Variants in NRXN1 observed in about 807,000 individuals in gnomAD.
The protein encoded by NRXN1 is neurexin-1.
Under a neutral mutation model 150.9 loss-of-function variants are expected in NRXN1, and 39 were observed. The observed-to-expected ratio is 0.26, with a 90% CI of 0.20 to 0.34. The LOEUF (loss-of-function observed/expected upper bound fraction) is 0.34. Ranked by LOEUF, NRXN1 falls within the 10% of genes least tolerant of loss-of-function variation. NRXN1 has a pLI of 1.00. For missense variants in NRXN1, 1,815 were observed against 1,949.9 expected, an observed-to-expected ratio of 0.93 and a Z score of 1.30; for synonymous variants, 924 against 757.0, an observed-to-expected ratio of 1.22 and a Z score of -3.62.
At chr2:51,010,107 T>C (rs1277314393) in intron 2 of NRXN1, among the ~76,000 whole-genome samples, 1 of 151,968 alleles carries the variant, frequency 6.6e-6, no homozygotes, top group Non-Finnish European at 1.5e-5. Flanking sequence ...TGGAAAGTCA[T>C]ATAATGGGTC....
At chr2:50,837,842 G>C (rs1175425173) in intron 5 of NRXN1, among the ~76,000 whole-genome samples, 1 of 152,002 alleles carries the variant, frequency 6.6e-6, no homozygotes, top group Non-Finnish European at 1.5e-5. Flanking sequence ...AGTTTTATTA[G>C]GAAATACAGA....
At chr2:50,164,421 A>G (rs2059551122) in intron 18 of NRXN1, among the ~76,000 whole-genome samples, 1 of 152,198 alleles carries the variant, frequency 6.6e-6, no homozygotes. Context: ...ACCATAAGAA[A>G]TATGGGAGGT....
intron 5 of NRXN1, among the ~76,000 whole-genome samples, chr2:50,771,597 A>G (rs1703015727): frequency 6.6e-6 from 1 of 152,102 alleles, no homozygotes; most frequent in Non-Finnish European, 1.5e-5. Context: ...GAGAATTTGA[A>G]TAGTACATTA....
intron 8 of NRXN1, among the ~76,000 whole-genome samples, chr2:50,559,308 A>G (rs1381185607): frequency 6.6e-6 from 1 of 152,178 alleles, no homozygotes; most frequent in African/African-American, 2.4e-5. Flanking sequence ...TGGGTAAGAA[A>G]GAGCTCAGAA....
At chr2:50,222,466 A>C (rs909852385) in intron 18 of NRXN1, among the ~76,000 whole-genome samples, 36 of 152,024 alleles carry the variant, frequency 2.4e-4, no homozygotes, top group African/African-American at 8.7e-4. Context: ...GGGAGTGTTC[A>C]ACAGTACAAT....
intron 5 of NRXN1, among the ~76,000 whole-genome samples, chr2:50,870,882 G>C (rs1208625922): frequency 6.6e-6 from 1 of 151,756 alleles, no homozygotes; most frequent in Non-Finnish European, 1.5e-5. Context: ...TTGGACTTCT[G>C]CACAACATCC....
rs552333481 is a variant in NRXN1 at position 50,429,171 on chromosome 2, C to G, written c.3364+36271G>C. ...AATGAGAGCATTTCACAGCTCTCAT[C>G]GACTCCTAACCTGAGAGGTTGTTAA... On this transcript the variant is annotated intron_variant, in intron 17 of 22. Coordinates refer to ENST00000401669, the MANE Select transcript of NRXN1 (RefSeq NM_001330078.2). Among the ~76,000 whole-genome samples the G allele has an allele frequency of 2.0e-5, 3 of 152,192 alleles. No homozygotes were observed. The East Asian group carries it at 5.8e-4, about 29-fold the overall frequency.
chr2:50,181,026 G>T (rs1023969566), intron 18 of NRXN1, among the ~76,000 whole-genome samples: 1 of 151,912 alleles, frequency 6.6e-6, no homozygotes, highest in South Asian at 2.1e-4. Context: ...TCTTTAAGGA[G>T]GATTTAGTAT....
chr2:50,627,637 C>CACAT (rs35480986), intron 5 of NRXN1, among the ~76,000 whole-genome samples: 2 of 151,298 alleles, frequency 1.3e-5, no homozygotes, highest in African/African-American at 2.4e-5. Flanking sequence ...CACACACACA[C>CACAT]GAGAGATCCA....
At chr2:50,480,134 C>A (rs2090350106) in intron 15 of NRXN1, among the ~76,000 whole-genome samples, 1 of 152,120 alleles carries the variant, frequency 6.6e-6, no homozygotes, top group Non-Finnish European at 1.5e-5. Flanking sequence ...TTAGGGAATT[C>A]AATGGCATAT....
At chr2:50,100,012 T>C (rs367849944) in intron 18 of NRXN1, among the ~76,000 whole-genome samples, 3 of 152,104 alleles carry the variant, frequency 2.0e-5, no homozygotes, top group Non-Finnish European at 4.4e-5. Flanking sequence ...AATTTAGATA[T>C]TACTAGTTGA....
intron 2 of NRXN1, among the ~76,000 whole-genome samples, chr2:51,011,796 T>C (rs749276976): frequency 2.7e-4 from 41 of 152,000 alleles, no homozygotes; most frequent in Non-Finnish European, 4.4e-4. Context: ...CAGTACTATT[T>C]ATAAAGGATC....
At chr2:50,808,685 T>A (rs1043870886) in intron 5 of NRXN1, among the ~76,000 whole-genome samples, 19 of 152,132 alleles carry the variant, frequency 1.2e-4, no homozygotes, top group South Asian at 2.1e-4. Context: ...TGGCCTCTGA[T>A]AATTTTATTT....
At chr2:50,214,915 G>A (rs2063292107) in intron 18 of NRXN1, among the ~76,000 whole-genome samples, 1 of 151,916 alleles carries the variant, frequency 6.6e-6, no homozygotes, top group Non-Finnish European at 1.5e-5. Flanking sequence ...ATAAACTGAT[G>A]CAGGGTAAAA....
At position 50,922,503 on chromosome 2, in the gene NRXN1, G is replaced by A. The variant is rs1434155370; in HGVS notation, c.820+155C>T. On this transcript the variant is annotated intron_variant, in intron 4 of 22. Coordinates refer to ENST00000401669, the MANE Select transcript of NRXN1 (RefSeq NM_001330078.2). The stretch of plus-strand genomic sequence containing the variant: ...AAATCAAACGAACAAAGAAATGGAA[G>A]AAAAACACATGAAAAAATGTGAACA... 7.5e-6 allele frequency: 6 copies of A among 799,636 alleles called. No individual in the cohort carries two copies. The East Asian group carries it at 1.3e-4, about 18-fold the overall frequency. The allele number at this position is 799,636 out of a possible 1,614,324, so 49.5% of individuals were successfully genotyped here.
chr2:50,525,091 T>C (rs2092910305), intron 12 of NRXN1, among the ~76,000 whole-genome samples: 1 of 152,334 alleles, frequency 6.6e-6, no homozygotes, highest in Non-Finnish European at 1.5e-5. Context: ...AAATTCTTTT[T>C]GCATTCTTTA....
chr2:50,984,884 T>A (rs1697443493), intron 2 of NRXN1, among the ~76,000 whole-genome samples: 4 of 152,056 alleles, frequency 2.6e-5, no homozygotes, highest in Admixed American at 1.3e-4. Context: ...CTAAAAAAAA[T>A]TATCTCTGCA....
intron 16 of NRXN1, among the ~76,000 whole-genome samples, chr2:50,471,572 G>T (rs1039097381): frequency 2.0e-5 from 3 of 151,734 alleles, no homozygotes; most frequent in Non-Finnish European, 4.4e-5. Flanking sequence ...ATATATGTTT[G>T]CAGATGTCTT....
intron 18 of NRXN1, among the ~76,000 whole-genome samples, chr2:50,098,846 T>TGG (rs1558874665): frequency 5.4e-4 from 7 of 12,864 alleles, no homozygotes; most frequent in African/African-American, 2.0e-3. Context: ...TTTTTTTTTT[T>TGG]TTTTTTTTTT....
Sources: gnomAD v4.1 joint callset for allele counts (sites outside exome capture counted in the v4.1 genomes callset) on GRCh38, gnomAD v4.1.1 for gene constraint, MANE v1.5 for transcripts, NCBI Gene and HGNC (gene_info 2026-07-23, HGNC 2026-07-21) for gene names.